The following ZNF578 variants were observed in gnomAD, a reference collection of about 807,000 sequenced individuals.
The protein encoded by ZNF578 is Putative chemokine-related protein B42.
A neutral mutation model predicts 8.3 loss-of-function variants in ZNF578; 8 were observed. The ratio of observed to expected loss-of-function variants is 0.96; its 90% CI spans 0.56 to 1.74. ZNF578 has a LOEUF of 1.74. ZNF578 is among the 40% of genes most tolerant of loss of function. ZNF578 has a pLI of 0.00. For synonymous variants in ZNF578, 206 were observed against 232.2 expected (o/e 0.89, Z 1.03); for missense variants, 726 against 707.5 (o/e 1.03, Z -0.30).
chr19:52,497,013 G>A (rs1347316272), intron 3 of ZNF578, among the ~76,000 whole-genome samples: 1 of 151,754 alleles, frequency 6.6e-6, no homozygotes, highest in African/African-American at 2.4e-5. Context: ...TCTCAGTGCC[G>A]TAGCAACCTC....
At chr19:52,480,429 C>T (rs2059321964) in intron 2 of ZNF578, among the ~76,000 whole-genome samples, 3 of 152,086 alleles carry the variant, frequency 2.0e-5, no homozygotes, top group South Asian at 2.1e-4. Flanking sequence ...TCTCTGAATG[C>T]ACTATGGCTG....
At chr19:52,463,622 A>G (rs984519640) in intron 2 of ZNF578, among the ~76,000 whole-genome samples, 5 of 152,208 alleles carry the variant, frequency 3.3e-5, no homozygotes, top group Admixed American at 6.5e-5. Context: ...AACAATTGAT[A>G]AAGCTGTTCA....
At position 52,512,816 on chromosome 19, in the gene ZNF578, T is replaced by C. The variant is rs1418144347; in HGVS notation, c.*662T>C. 1.3e-5 allele frequency among the ~76,000 whole-genome samples: 2 copies of C among 152,200 alleles called. No individual in the cohort carries two copies. The highest frequency in any genetic ancestry group is 4.8e-5 in the African/African-American group (2 of 41,446). ...AGCATTAATTGACATTGGAGTCAAT[T>C]CAGCATTGACTTGAGTTTGTGTTGA... is the stretch of plus-strand genomic sequence containing the variant. On this transcript the variant is annotated 3_prime_UTR_variant, in exon 6 of 6. Transcript: ENST00000421239.
chr19:52,477,787 T>A (rs1185561550), intron 2 of ZNF578, among the ~76,000 whole-genome samples: 1 of 152,206 alleles, frequency 6.6e-6, no homozygotes, highest in East Asian at 1.9e-4. Flanking sequence ...ACAATCTGCA[T>A]TTGCATTCTG....
At chr19:52,471,442 C>T (rs568913591) in intron 2 of ZNF578, among the ~76,000 whole-genome samples, 2 of 152,232 alleles carry the variant, frequency 1.3e-5, no homozygotes, top group East Asian at 1.9e-4. Context: ...TCTGTAGAAC[C>T]CTAATACAAT....
At chr19:52,494,347 T>A (rs914437608) in intron 3 of ZNF578, among the ~76,000 whole-genome samples, 5 of 151,126 alleles carry the variant, frequency 3.3e-5, no homozygotes, top group Admixed American at 6.6e-5. Context: ...GAAAAAAAAA[T>A]TTAACGGGGC....
intron 4 of ZNF578, 100 bp from the exon 5 acceptor site, chr19:52,504,555 C>G (rs2059418681): frequency 6.3e-7 from 1 of 1,589,306 alleles, no homozygotes; most frequent in Middle Eastern, 1.7e-4. Flanking sequence ...ACAACACAGT[C>G]TTTGATCAAA....
chr19:52,494,564 G>C (rs1412076828), intron 3 of ZNF578, among the ~76,000 whole-genome samples: 1 of 152,188 alleles, frequency 6.6e-6, no homozygotes, highest in Non-Finnish European at 1.5e-5. Flanking sequence ...ATGATTAGTT[G>C]TGACATGTTG....
chr19:52,460,680 G>C (rs979870673), intron 2 of ZNF578, among the ~76,000 whole-genome samples: 1 of 152,102 alleles, frequency 6.6e-6, no homozygotes, highest in Non-Finnish European at 1.5e-5. Context: ...TTTCTTGCGT[G>C]TGCTTTTGGT....
Position 52,515,307 on chromosome 19 carries a change from C to T in ZNF578, c.*3153C>T, listed in dbSNP as rs777110233. On this transcript the variant is annotated 3_prime_UTR_variant, in exon 6 of 6. Transcript: ENST00000421239. ...GAAATAATTTGCTTATTTCTTAGTT[C>T]TACAGCTGACCCTCTTTCACTGTTT... is the stretch of plus-strand genomic sequence containing the variant. Among the ~76,000 whole-genome samples the T allele has an allele frequency of 2.0e-5, 3 of 152,138 alleles. No individual in the cohort carries two copies. Among genetic ancestry groups the T allele is most frequent in the African/African-American group, 7.2e-5 (3 of 41,422 alleles).
In ZNF578 at chr19:52,515,844, A is replaced by G. The variant is rs570958145; in HGVS notation, c.*3690A>G. On this transcript the variant is annotated 3_prime_UTR_variant, in exon 6 of 6. Coordinates refer to ENST00000421239, the MANE Select transcript of ZNF578 (RefSeq NM_001099694.2). ...GGAAGAAATAGAGGTAGACTCAGAC[A>G]CAGAGACCATCTTCAAGGCCTTTCT... 6.6e-6 allele frequency among the ~76,000 whole-genome samples: 1 copy of G among 152,256 alleles called. No individual in the cohort carries two copies. The highest frequency in any genetic ancestry group is 2.1e-4 in the South Asian group (1 of 4,820).
chr19:52,474,495 T>A (rs1423058676), intron 2 of ZNF578: 2 of 313,276 alleles, frequency 6.4e-6, no homozygotes, highest in Non-Finnish European at 1.3e-5. Context: ...CAGTATGAAT[T>A]ATCCAATGTT....
intron 3 of ZNF578, among the ~76,000 whole-genome samples, chr19:52,495,929 C>T (rs2059384366): frequency 1.3e-5 from 2 of 152,030 alleles, no homozygotes; most frequent in African/African-American, 4.8e-5. Flanking sequence ...CTATATGGAA[C>T]GTGATGAAAG....
intron 3 of ZNF578, among the ~76,000 whole-genome samples, chr19:52,501,462 A>T (rs1472910085): frequency 1.3e-5 from 2 of 152,182 alleles, no homozygotes; most frequent in Admixed American, 6.5e-5. Context: ...GGAAGCTCTG[A>T]GTCCTGCATT....
intron 3 of ZNF578, among the ~76,000 whole-genome samples, chr19:52,492,336 T>TG: frequency 6.6e-6 from 1 of 152,092 alleles, no homozygotes; most frequent in East Asian, 1.9e-4. Context: ...CCCGCATCCC[T>TG]GCTGTGTTTA....
intron 2 of ZNF578, among the ~76,000 whole-genome samples, chr19:52,485,501 C>G (rs2122858189): frequency 6.6e-6 from 1 of 152,316 alleles, no homozygotes; most frequent in South Asian, 2.1e-4. Context: ...GAGGGCTGAG[C>G]TCAGCCTGTG....
At chr19:52,472,566 T>C (rs1392473763) in intron 2 of ZNF578, among the ~76,000 whole-genome samples, 1 of 152,204 alleles carries the variant, frequency 6.6e-6, no homozygotes, top group African/African-American at 2.4e-5. Flanking sequence ...CCTGGATGAT[T>C]TCTATGGCAT....
rs2059475406 is a variant in ZNF578 at position 52,516,273 on chromosome 19, G to A, written c.*4119G>A. Among the ~76,000 whole-genome samples, 1 of 152,158 alleles carries A rather than the reference G, an allele frequency of 6.6e-6. No individual in the cohort carries two copies. Among genetic ancestry groups the A allele is most frequent in the South Asian group, 2.1e-4 (1 of 4,824 alleles). On this transcript the variant is annotated 3_prime_UTR_variant, in exon 6 of 6. Coordinates refer to ENST00000421239, the MANE Select transcript of ZNF578 (RefSeq NM_001099694.2). ...GCCTCCTAGAGTGCTGGGATGACAG[G>A]CATGAGCCACTGCAACCAGCCTCTG...
At chr19:52,466,825 G>A (rs917132222) in intron 2 of ZNF578, among the ~76,000 whole-genome samples, 1 of 151,966 alleles carries the variant, frequency 6.6e-6, no homozygotes, top group Non-Finnish European at 1.5e-5. Context: ...TAGTTTCCAT[G>A]GCCTTAAATT....
Sources: gnomAD v4.1 joint callset for allele counts (sites outside exome capture counted in the v4.1 genomes callset) on GRCh38, gnomAD v4.1.1 for gene constraint, MANE v1.5 for transcripts, NCBI Gene and HGNC (gene_info 2026-07-23, HGNC 2026-07-21) for gene names.